The following SPIDR variants were observed in gnomAD, a reference collection of about 807,000 sequenced individuals.
SPIDR encodes DNA repair-scaffolding protein.
Under a neutral mutation model 104.6 loss-of-function variants are expected in SPIDR, and 93 were observed. The ratio of observed to expected loss-of-function variants is 0.89; its 90% CI spans 0.75 to 1.06. The LOEUF (loss-of-function observed/expected upper bound fraction) is 1.06. Ranked by LOEUF, SPIDR falls within the 50% of genes least tolerant of loss-of-function variation. The pLI, the probability that SPIDR is intolerant of heterozygous loss-of-function variation, is 0.00. For missense variants in SPIDR, 1,154 were observed against 1,111.2 expected, an observed-to-expected ratio of 1.04 and a Z score of -0.55; for synonymous variants, 431 against 416.9, an observed-to-expected ratio of 1.03 and a Z score of -0.41.
chr8:47,694,996 C>T (rs2079136483), intron 11 of SPIDR, among the ~76,000 whole-genome samples: 1 of 152,028 alleles, frequency 6.6e-6, no homozygotes, highest in Non-Finnish European at 1.5e-5. Context: ...ATGAGAGTCA[C>T]ATTGCCCTGT....
At chr8:47,651,354 A>G (rs1259768708) in intron 10 of SPIDR, among the ~76,000 whole-genome samples, 1 of 152,186 alleles carries the variant, frequency 6.6e-6, no homozygotes, top group African/African-American at 2.4e-5. Flanking sequence ...AAAATGCTCA[A>G]CATCACTAAT....
chr8:47,511,287 G>A (rs900708519), intron 8 of SPIDR: 1 of 1,454,240 alleles, frequency 6.9e-7, no homozygotes, highest in African/African-American at 1.4e-5. Context: ...CGATTAAGAT[G>A]GAAGAGCTGG....
chr8:47,548,080 G>A (rs1438823250), intron 8 of SPIDR, among the ~76,000 whole-genome samples: 1 of 151,888 alleles, frequency 6.6e-6, no homozygotes, highest in African/African-American at 2.4e-5. Context: ...GAGACTTCCT[G>A]TTTGACTCAT....
intron 5 of SPIDR, among the ~76,000 whole-genome samples, chr8:47,336,617 G>C (rs1554609521): frequency 6.6e-6 from 1 of 152,146 alleles, no homozygotes; most frequent in Admixed American, 6.6e-5. Context: ...GATATTTTTT[G>C]AGAGCAGAAG....
At chr8:47,381,468 G>T (rs889713113) in intron 5 of SPIDR, among the ~76,000 whole-genome samples, 6 of 152,176 alleles carry the variant, frequency 3.9e-5, no homozygotes, top group Non-Finnish European at 8.8e-5. Flanking sequence ...AAGCTTCTAG[G>T]CAGCCAGGGC....
At chr8:47,619,312 T>A (rs2064797526) in intron 10 of SPIDR, among the ~76,000 whole-genome samples, 1 of 152,210 alleles carries the variant, frequency 6.6e-6, no homozygotes. Context: ...GTCTTTTTGG[T>A]GTTAACAGAA....
At chr8:47,702,457 C>G (rs1417040871) in intron 14 of SPIDR, among the ~76,000 whole-genome samples, 1 of 152,148 alleles carries the variant, frequency 6.6e-6, no homozygotes, top group Non-Finnish European at 1.5e-5. Context: ...TCAGCTACTT[C>G]TGGGAACTTT....
At chr8:47,592,249 G>A (rs1204495858) in intron 8 of SPIDR, 15 of 1,284,414 alleles carry the variant, frequency 1.2e-5, no homozygotes, top group Middle Eastern at 1.9e-4. Context: ...CTAATGGATC[G>A]TCTGGATTGG....
At chr8:47,646,712 T>C (rs2070428785) in intron 10 of SPIDR, among the ~76,000 whole-genome samples, 1 of 152,108 alleles carries the variant, frequency 6.6e-6, no homozygotes, top group Non-Finnish European at 1.5e-5. Context: ...TTGAAGCATA[T>C]GTGAGAAACA....
chr8:47,700,041 T>TAC lies in SPIDR; in HGVS notation c.1686-350_1686-349dup, dbSNP rs534487585. On this transcript the variant is annotated intron_variant, in intron 11 of 19. Coordinates refer to ENST00000297423, the MANE Select transcript of SPIDR (RefSeq NM_001080394.4). Reference sequence around the variant, plus strand: ...AGATGCATGCATAGATACACATACATACACACACACACAGAGAGTGAGAGA... The same window carrying TAC: ...AGATGCATGCATAGATACACATACATACACACACACACACAGAGAGTGAGAGA... Among the ~76,000 whole-genome samples the TAC allele has an allele frequency of 1.9e-3, 283 of 152,084 alleles. 1 individual carries two copies. The highest frequency in any genetic ancestry group is 6.2e-3 in the African/African-American group (258 of 41,512).
chr8:47,408,350 T>C (rs1212232647), intron 7 of SPIDR, among the ~76,000 whole-genome samples: 2 of 152,164 alleles, frequency 1.3e-5, no homozygotes, highest in Non-Finnish European at 2.9e-5. Context: ...CCTCAAACTC[T>C]TGGGCTCAAG....
chr8:47,515,510 A>G (rs1404198945), intron 8 of SPIDR, among the ~76,000 whole-genome samples: 1 of 152,168 alleles, frequency 6.6e-6, no homozygotes, highest in East Asian at 1.9e-4. Context: ...CACTGTCCCC[A>G]AGGATCCTTG....
At chr8:47,588,094 T>G (rs2060517101) in intron 8 of SPIDR, among the ~76,000 whole-genome samples, 1 of 109,826 alleles carries the variant, frequency 9.1e-6, no homozygotes, top group Non-Finnish European at 1.8e-5. Flanking sequence ...TATACACGTA[T>G]GTATCTGCAA....
intron 8 of SPIDR, among the ~76,000 whole-genome samples, chr8:47,589,022 G>GTTTTTTTTTTT (rs1168001066): frequency 0.013 from 1,142 of 88,468 alleles, no homozygotes; most frequent in Non-Finnish European, 0.019. Flanking sequence ...TTTATAGTTT[G>GTTTTTTTTTTT]TTTTTTTTTT....
chr8:47,470,601 G>A (rs1191930819), intron 8 of SPIDR, among the ~76,000 whole-genome samples: 2 of 152,124 alleles, frequency 1.3e-5, no homozygotes, highest in Non-Finnish European at 2.9e-5. Flanking sequence ...TTTGACAAGG[G>A]CACTATGATC....
At chr8:47,262,875 C>T (rs1380920902) in intron 1 of SPIDR, among the ~76,000 whole-genome samples, 1 of 152,196 alleles carries the variant, frequency 6.6e-6, no homozygotes, top group African/African-American at 2.4e-5. Context: ...GTAGTGCCGG[C>T]TAGCATGCTC....
intron 10 of SPIDR, among the ~76,000 whole-genome samples, chr8:47,606,464 T>A (rs2062961577): frequency 6.6e-6 from 1 of 151,898 alleles, no homozygotes; most frequent in South Asian, 2.1e-4. Context: ...AGGTGGAGCT[T>A]GCAGTGAGCC....
chr8:47,297,016 T>A lies in SPIDR; in HGVS notation c.525+2986T>A, dbSNP rs1644356712. 3.9e-5 allele frequency among the ~76,000 whole-genome samples: 6 copies of A among 152,230 alleles called. No homozygotes were observed. The South Asian group carries it at 1.0e-3, about 26-fold the overall frequency. On this transcript the variant is annotated intron_variant, in intron 5 of 19. Transcript: ENST00000297423. ...ACTGTAAACGGGATTGAGTTCTTAA[T>A]TTCTTTTTCAGGTACTTCATTCTTA...
intron 8 of SPIDR, among the ~76,000 whole-genome samples, chr8:47,477,920 G>T (rs782338708): frequency 6.6e-6 from 1 of 152,164 alleles, no homozygotes; most frequent in Non-Finnish European, 1.5e-5. Context: ...AGACAGCTGC[G>T]CTTAGCTGGG....
Sources: gnomAD v4.1 joint callset for allele counts (sites outside exome capture counted in the v4.1 genomes callset) on GRCh38, gnomAD v4.1.1 for gene constraint, MANE v1.5 for transcripts, NCBI Gene and HGNC (gene_info 2026-07-23, HGNC 2026-07-21) for gene names.